RB1: variants seen among roughly 807,000 people sequenced by gnomAD.
The protein encoded by RB1 is retinoblastoma-associated protein.
Under a neutral mutation model 135.4 loss-of-function variants are expected in RB1, and 18 were observed. The observed-to-expected ratio is 0.13, with a 90% CI of 0.09 to 0.20. The LOEUF (loss-of-function observed/expected upper bound fraction) is 0.20. RB1 is among the 10% of genes least tolerant of loss of function. The pLI, the probability that RB1 is intolerant of heterozygous loss-of-function variation, is 1.00. For missense variants in RB1, 868 were observed against 1,110.0 expected, an observed-to-expected ratio of 0.78 and a Z score of 3.10; for synonymous variants, 365 against 373.2, an observed-to-expected ratio of 0.98 and a Z score of 0.25.
Position 48,303,792 on chromosome 13 carries a change from G to C in RB1, c.-121G>C. 1 of 1,403,608 alleles carries C rather than the reference G, an allele frequency of 7.1e-7. No homozygotes were observed. Among genetic ancestry groups the C allele is most frequent in the Admixed American group, 2.6e-5 (1 of 38,256 alleles). 86.9% of individuals were successfully genotyped at this position (1,403,608 alleles called of 1,614,324 possible). On this transcript the variant is annotated 5_prime_UTR_variant, in exon 1 of 27. Transcript: ENST00000267163. ...AGGGCGCGTCCGGTTTTTCTCAGGG[G>C]ACGTTGAAATTATTTTTGTAACGGG...
At chr13:48,408,390 A>G (rs1291701542) in intron 17 of RB1, among the ~76,000 whole-genome samples, 1 of 152,024 alleles carries the variant, frequency 6.6e-6, no homozygotes, top group Non-Finnish European at 1.5e-5. Flanking sequence ...CACCTGAAAA[A>G]TTTTCTCAGC....
intron 17 of RB1, among the ~76,000 whole-genome samples, chr13:48,435,443 G>GT (rs1949173647): frequency 1.3e-5 from 2 of 152,042 alleles, no homozygotes; most frequent in African/African-American, 4.8e-5. Context: ...AGTTTTGAGG[G>GT]TTCTTTATAT....
intron 1 of RB1, 142 bp from the exon 2 acceptor site, chr13:48,307,138 T>C (rs1368168492): frequency 2.0e-5 from 13 of 654,198 alleles, no homozygotes; most frequent in Non-Finnish European, 3.0e-5. Flanking sequence ...GTAATGTTTT[T>C]CTAAGATAAA....
At chr13:48,318,533 G>T in intron 2 of RB1, 2 of 858,268 alleles carry the variant, frequency 2.3e-6, no homozygotes, top group Non-Finnish European at 3.6e-6. Flanking sequence ...CCTTGGCTGC[G>T]CCCTCCCCTC....
chr13:48,303,828 G>A lies in RB1; in HGVS notation c.-85G>A, dbSNP rs1014258510. 1 of 1,477,818 alleles carries A rather than the reference G, an allele frequency of 6.8e-7. No individual in the cohort carries two copies. The highest frequency in any genetic ancestry group is 8.9e-7 in the Non-Finnish European group (1 of 1,119,112). 91.5% of individuals were successfully genotyped at this position (1,477,818 alleles called of 1,614,324 possible). ...TATTTTTGTAACGGGAGTCGGGAGA[G>A]GACGGGGCGTGCCCCGACGTGCGCG... is the stretch of plus-strand genomic sequence containing the variant. On this transcript the variant is annotated 5_prime_UTR_variant, in exon 1 of 27. Coordinates refer to ENST00000267163, the MANE Select transcript of RB1 (RefSeq NM_000321.3).
chr13:48,388,591 A>G (rs1217405934), intron 17 of RB1, among the ~76,000 whole-genome samples: 2 of 152,274 alleles, frequency 1.3e-5, no homozygotes, highest in East Asian at 3.9e-4. Flanking sequence ...CTTGCCCTAG[A>G]CCACACAAGC....
Position 48,345,069 on chromosome 13 carries a change from T to C in RB1, c.381-11T>C, listed in dbSNP as rs756363252. The C allele has an allele frequency of 2.4e-5, 38 of 1,607,702 alleles. No homozygotes were observed. In the East Asian group the frequency reaches 8.3e-4, roughly 35 times the overall value. On this transcript the variant is annotated splice_polypyrimidine_tract_variant and intron_variant, in intron 3 of 26. Transcript: ENST00000267163. ...TTACTGATTTACTTTTTTCTATTCTTTCCTTTGTAGTGTCCATAAATTCTT... is the reference window on the plus strand; with the variant it reads ...TTACTGATTTACTTTTTTCTATTCTCTCCTTTGTAGTGTCCATAAATTCTT...
At chr13:48,363,608 CTA>C (rs1952664345) in intron 8 of RB1, among the ~76,000 whole-genome samples, 1 of 152,096 alleles carries the variant, frequency 6.6e-6, no homozygotes, top group East Asian at 1.9e-4. Flanking sequence ...CTCTAGTGCT[CTA>C]GTGTTTTAGT....
chr13:48,348,858 T>C, intron 5 of RB1, 98 bp from the exon 6 acceptor site: 10 of 1,410,182 alleles, frequency 7.1e-6, no homozygotes, highest in Non-Finnish European at 9.5e-6. Flanking sequence ...ATTTTTTTTT[T>C]AATGCACAAA....
At chr13:48,317,079 G>A in intron 2 of RB1, 1 of 847,254 alleles carries the variant, frequency 1.2e-6, no homozygotes, top group Non-Finnish European at 1.6e-6. Context: ...GCTTGGCCAG[G>A]GCCCGCCGTC....
intron 26 of RB1, among the ~76,000 whole-genome samples, chr13:48,479,507 C>T (rs1949524268): frequency 6.6e-6 from 1 of 152,100 alleles, no homozygotes; most frequent in Non-Finnish European, 1.5e-5. Flanking sequence ...CTATTTATCT[C>T]ATTTTAATGT....
intron 2 of RB1, among the ~76,000 whole-genome samples, chr13:48,310,610 TAAGAA>T (rs1432178773): frequency 6.6e-6 from 1 of 152,148 alleles, no homozygotes; most frequent in Non-Finnish European, 1.5e-5. Context: ...TAATTTTACT[TAAGAA>T]ATACCCCAGA....
intron 2 of RB1, among the ~76,000 whole-genome samples, chr13:48,314,439 T>C (rs1434501746): frequency 1.3e-5 from 2 of 152,230 alleles, no homozygotes; most frequent in Admixed American, 6.5e-5. Flanking sequence ...AATGGAATTG[T>C]TTTCTTTCCT....
At chr13:48,362,721 C>A in intron 7 of RB1, 94 bp from the exon 8 acceptor site, 2 of 1,324,458 alleles carry the variant, frequency 1.5e-6, no homozygotes, top group South Asian at 1.2e-5. Flanking sequence ...AGAATGTTAC[C>A]AAGATTATTT....
intron 17 of RB1, among the ~76,000 whole-genome samples, chr13:48,387,190 G>A (rs1421363126): frequency 6.6e-6 from 1 of 152,192 alleles, no homozygotes; most frequent in Admixed American, 6.5e-5. Flanking sequence ...GCCAGATAGT[G>A]AAGACATTCA....
intron 17 of RB1, among the ~76,000 whole-genome samples, chr13:48,398,952 A>G (rs747765418): frequency 2.5e-4 from 38 of 152,090 alleles, no homozygotes; most frequent in Non-Finnish European, 1.0e-4. Flanking sequence ...CACTGTGACT[A>G]TTGGTCTGGC....
intron 17 of RB1, among the ~76,000 whole-genome samples, chr13:48,407,596 G>T (rs1727369698): frequency 1.3e-5 from 2 of 152,144 alleles, no homozygotes; most frequent in African/African-American, 4.8e-5. Context: ...GGAAAATATT[G>T]CTAAATAAGT....
chr13:48,432,132 G>C (rs1949136475), intron 17 of RB1, among the ~76,000 whole-genome samples: 1 of 152,100 alleles, frequency 6.6e-6, no homozygotes, highest in Non-Finnish European at 1.5e-5. Flanking sequence ...GGTCAAAGAA[G>C]GCCTTGCTAA....
intron 17 of RB1, among the ~76,000 whole-genome samples, chr13:48,405,776 C>T (rs1948734320): frequency 6.6e-6 from 1 of 152,140 alleles, no homozygotes. Flanking sequence ...TCCTTCTATC[C>T]CATTTCCAAC....
Sources: allele counts gnomAD v4.1 joint callset (sites outside exome capture counted in the v4.1 genomes callset), GRCh38; gene constraint gnomAD v4.1.1; transcripts MANE v1.5; gene names NCBI Gene and HGNC (gene_info 2026-07-23, HGNC 2026-07-21).